CYP27A1: variants seen among roughly 807,000 people sequenced by gnomAD.
The protein encoded by CYP27A1 is cytochrome P450 family 27 subfamily A member 1.
In CYP27A1, 46 loss-of-function variants were observed where a neutral mutation model predicts 58.2. The ratio of observed to expected loss-of-function variants is 0.79; its 90% CI spans 0.62 to 1.01. CYP27A1 has a LOEUF of 1.01. Ranked by LOEUF, CYP27A1 falls within the 50% of genes least tolerant of loss-of-function variation. CYP27A1 has a pLI of 0.00. For synonymous variants in CYP27A1, 274 were observed against 285.1 expected (o/e 0.96, Z 0.39); for missense variants, 704 against 687.0 (o/e 1.02, Z -0.28).
intron 1 of CYP27A1, among the ~76,000 whole-genome samples, chr2:218,789,448 C>T (rs994418969): frequency 6.6e-6 from 1 of 152,126 alleles, no homozygotes; most frequent in African/African-American, 2.4e-5. Flanking sequence ...GATGTATGAA[C>T]AGAAAAAGGA....
chr2:218,813,859 A>C (rs1943751560), intron 5 of CYP27A1, among the ~76,000 whole-genome samples, 162 bp from the exon 6 acceptor site: 1 of 151,928 alleles, frequency 6.6e-6, no homozygotes, highest in African/African-American at 2.4e-5. Context: ...CTGTGGATTC[A>C]TGTTTAGCAT....
intron 1 of CYP27A1, among the ~76,000 whole-genome samples, chr2:218,788,669 T>A (rs559338363): frequency 6.6e-6 from 1 of 152,302 alleles, no homozygotes; most frequent in African/African-American, 2.4e-5. Flanking sequence ...AATATACTTC[T>A]CTGGTGACTC....
Position 218,815,201 on chromosome 2 carries a change from G to A in CYP27A1, c.*171G>A, listed in dbSNP as rs999594405. 12 of 711,978 alleles carry A rather than the reference G, an allele frequency of 1.7e-5. No homozygotes were observed. 44.1% of individuals were successfully genotyped at this position (711,978 alleles called of 1,614,324 possible). A position where few individuals can be genotyped will look rare whatever the true frequency, so the allele number is the denominator to read the frequency against. The stretch of plus-strand genomic sequence containing the variant: ...AGCTTTTGCCACTTCTATCATTTTT[G>A]AGCAACTCCCTCTCAGCTAAAAGGC... On this transcript the variant is annotated 3_prime_UTR_variant, in exon 9 of 9. Coordinates refer to ENST00000258415, the MANE Select transcript of CYP27A1 (RefSeq NM_000784.4).
Position 218,814,021 on chromosome 2 carries a change from A to C in CYP27A1, c.1018A>C (p.Thr340Pro). ...PELLMAGVDT[T>P]SNTLTWALYH... is the part of the protein sequence containing the mutation. ...CCTGATCTCCCACTCTATCTTCTAG[A>C]CATCCAACACGCTGACATGGGCCCT... Residue 340 changes from threonine (T) to proline (P), a missense_variant and splice_region_variant, in exon 6 of 9, where the codon ACA becomes CCA. By Grantham distance (38) the Thr-to-Pro change is conservative (BLOSUM62 -1). Transcript: ENST00000258415. 1.2e-6 allele frequency: 2 copies of C among 1,614,098 alleles called. No individual in the cohort carries two copies. Among genetic ancestry groups the C allele is most frequent in the Non-Finnish European group, 1.7e-6 (2 of 1,180,024 alleles).
intron 1 of CYP27A1, among the ~76,000 whole-genome samples, chr2:218,793,079 G>A (rs1174263494): frequency 6.6e-6 from 1 of 152,100 alleles, no homozygotes; most frequent in Non-Finnish European, 1.5e-5. Context: ...CTTTTTATTT[G>A]TTTGTTTGTT....
Position 218,814,694 on chromosome 2 carries a change from T to C in CYP27A1, c.1413T>C (p.Tyr471=), listed in dbSNP as rs549032526. 1.7e-5 allele frequency: 28 copies of C among 1,614,162 alleles called. No homozygotes were observed. The African/African-American group carries it at 2.8e-4, about 16-fold the overall frequency. ...CATTTGGCTCTGTGCCCTTTGGCTA[T>C]GGGGTCCGGGCCTGCCTGGGCCGCA... ...QHPFGSVPFG[Y]GVRACLGRRI... The change falls in exon 8 of 9, where the codon TAT becomes TAC. Residue 471 remains tyrosine, a synonymous_variant. Transcript: ENST00000258415.
intron 4 of CYP27A1, 85 bp from the exon 5 acceptor site, chr2:218,812,839 T>C: frequency 2.5e-6 from 4 of 1,606,444 alleles, no homozygotes; most frequent in Non-Finnish European, 3.4e-6. Flanking sequence ...TTTTCCCTCA[T>C]GCTACCAGTT....
chr2:218,792,473 C>G (rs896601133), intron 1 of CYP27A1, among the ~76,000 whole-genome samples: 2 of 152,028 alleles, frequency 1.3e-5, no homozygotes, highest in Non-Finnish European at 2.9e-5. Context: ...AGAATTCTTA[C>G]CCAGTCCAAA....
rs759173020 is a variant in CYP27A1 at position 218,807,775 on chromosome 2, A to ATTT, written c.256-1789_256-1787dup. Among the ~76,000 whole-genome samples the ATTT allele has an allele frequency of 2.8e-3, 396 of 143,042 alleles. 2 individuals are homozygous for ATTT. Among genetic ancestry groups the ATTT allele is most frequent in the African/African-American group, 9.4e-3 (368 of 38,970 alleles). 93.8% of individuals were successfully genotyped at this position (143,042 alleles called of 152,430 possible). ...AGGCGCACACTGCCATGCCCAGCGA[A>ATTT]TTTTTTTTTTTTTTTGTAGAGGCAG... On this transcript the variant is annotated intron_variant, in intron 1 of 8. Transcript: ENST00000258415.
chr2:218,797,513 C>A (rs1488648780), intron 1 of CYP27A1, among the ~76,000 whole-genome samples: 1 of 152,190 alleles, frequency 6.6e-6, no homozygotes, highest in African/African-American at 2.4e-5. Flanking sequence ...GATCGAACAC[C>A]ATTTTGGCAA....
At chr2:218,788,396 C>T (rs766762242) in intron 1 of CYP27A1, among the ~76,000 whole-genome samples, 7 of 152,204 alleles carry the variant, frequency 4.6e-5, no homozygotes, top group Admixed American at 2.6e-4. Flanking sequence ...AAAACCAGCA[C>T]AGTATCATTT....
Position 218,812,548 on chromosome 2 carries a change from T to C in CYP27A1, c.647-4T>C, listed in dbSNP as rs1943729690. On this transcript the variant is annotated splice_region_variant and splice_polypyrimidine_tract_variant and intron_variant, in intron 3 of 8. Coordinates refer to ENST00000258415, the MANE Select transcript of CYP27A1 (RefSeq NM_000784.4). ...TCCTGTGATGGCCTCTGTGCACTAC[T>C]CAGCTATTTGCTACATCCTGTTCGA... is the stretch of plus-strand genomic sequence containing the variant. The C allele has an allele frequency of 2.5e-6, 4 of 1,614,076 alleles. No individual in the cohort carries two copies. The African/African-American group carries it at 4.0e-5, about 16-fold the overall frequency.
chr2:218,815,007 C>T lies in CYP27A1; in HGVS notation c.1573C>T (p.Gln525Ter), dbSNP rs374507635. 9 of 1,614,206 alleles carry T rather than the reference C, an allele frequency of 5.6e-6. No homozygotes were observed. Among genetic ancestry groups the T allele is most frequent in the Admixed American group, 1.7e-5 (1 of 60,030 alleles). Residue 525 changes from glutamine to a stop codon, truncating the protein, a stop_gained, in exon 9 of 9, where the codon CAG becomes TAG. Transcript: ENST00000258415. LOFTEE classifies it high-confidence loss of function. Reference sequence around the variant, plus strand: ...GGTTCCCAATAAGAAAGTGGGCCTGCAGTTCCTGCAGAGACAGTGCTGAGC... The same window carrying T: ...GGTTCCCAATAAGAAAGTGGGCCTGTAGTTCCTGCAGAGACAGTGCTGAGC... ...VLVPNKKVGL[Q>*]FLQRQC
rs1370017696 is a variant in CYP27A1, at chr2:218,782,409, G to T, written c.227G>T (p.Gly76Val). Reference protein sequence around the residue: ...LRFFFQLFVQGYALQLHQLQV... With the variant: ...LRFFFQLFVQVYALQLHQLQV... ...TTCTTCTTTCAGCTGTTCGTTCAAG[G>T]CTATGCCCTGCAACTGCACCAGTTA... is the stretch of plus-strand genomic sequence containing the variant. The change falls in exon 1 of 9, where the codon GGC becomes GTC. Residue 76 changes from glycine (G) to valine (V), a missense_variant. Coordinates refer to ENST00000258415, the MANE Select transcript of CYP27A1 (RefSeq NM_000784.4). This position sits in a 1 kb window ranked among gnomAD's most constrained non-coding sequence, Gnocchi z 4.1. 3 of 1,614,130 alleles carry T rather than the reference G, an allele frequency of 1.9e-6. No homozygotes were observed. The highest frequency in any genetic ancestry group is 1.1e-5 in the South Asian group (1 of 91,090).
chr2:218,789,570 A>G lies in CYP27A1; in HGVS notation c.255+7133A>G, dbSNP rs1334970896. Among the ~76,000 whole-genome samples the G allele has an allele frequency of 2.6e-5, 4 of 152,240 alleles. No homozygotes were observed. The East Asian group carries it at 7.7e-4, about 29-fold the overall frequency. ...ACAGTTGGCCACCTCTGATTGGCCA[A>G]AACTTGGTGATTGGCACAAGAGTAG... On this transcript the variant is annotated intron_variant, in intron 1 of 8. Transcript: ENST00000258415.
rs1223599394 is a variant in CYP27A1 at position 218,813,099 on chromosome 2, G to T, written c.1017+3G>T. The T allele has an allele frequency of 6.2e-7, 1 of 1,607,462 alleles. No homozygotes were observed. The highest frequency in any genetic ancestry group is 1.1e-5 in the South Asian group (1 of 90,668). On this transcript the variant is annotated splice_donor_region_variant and intron_variant, in intron 5 of 8. Transcript: ENST00000258415. Reference sequence around the variant, plus strand: ...TGCTCATGGCTGGAGTGGACACGGTGCGTGAAGGGGGAGGGTGAGACCAGG... The same window carrying T: ...TGCTCATGGCTGGAGTGGACACGGTTCGTGAAGGGGGAGGGTGAGACCAGG...
At chr2:218,811,594 G>A (rs1055559242) in intron 2 of CYP27A1, among the ~76,000 whole-genome samples, 7 of 152,176 alleles carry the variant, frequency 4.6e-5, no homozygotes, top group African/African-American at 1.4e-4. Flanking sequence ...ACCATCTACC[G>A]CATGACTGAG....
At chr2:218,812,137 G>C in intron 2 of CYP27A1, 85 bp from the exon 3 acceptor site, 1 of 966,856 alleles carries the variant, frequency 1.0e-6, no homozygotes, top group Admixed American at 1.8e-5. Flanking sequence ...GATGGAGGGG[G>C]TGGTGGACTT....
intron 1 of CYP27A1, among the ~76,000 whole-genome samples, chr2:218,798,909 CA>C (rs1300529941): frequency 6.6e-6 from 1 of 151,996 alleles, no homozygotes. Context: ...AACAAACAAA[CA>C]AACCCATGAA....
Sources: gnomAD v4.1 joint callset for allele counts (sites outside exome capture counted in the v4.1 genomes callset) on GRCh38, gnomAD v4.1.1 for gene constraint, Gnocchi (gnomAD v3.1) non-coding constraint, MANE v1.5 for transcripts, NCBI Gene and HGNC (gene_info 2026-07-23, HGNC 2026-07-21) for gene names.